FAM13A: variants seen among roughly 807,000 people sequenced by gnomAD.
The protein encoded by FAM13A is protein FAM13A.
In FAM13A, 76 loss-of-function variants were observed where a neutral mutation model predicts 129.6. The ratio of observed to expected loss-of-function variants is 0.59; its 90% CI spans 0.49 to 0.71. The LOEUF is 0.71. Ranked by LOEUF, FAM13A falls within the 30% of genes least tolerant of loss-of-function variation. FAM13A has a pLI of 0.00. For missense variants in FAM13A, 1,108 were observed against 1,249.3 expected (o/e 0.89, Z 1.70); for synonymous variants, 443 against 449.9 (o/e 0.98, Z 0.20).
intron 4 of FAM13A, among the ~76,000 whole-genome samples, chr4:88,952,783 A>G (rs1757141494): frequency 6.6e-6 from 1 of 152,018 alleles, no homozygotes. Flanking sequence ...CCCCGTCTCT[A>G]CTAAAAACAC....
intron 7 of FAM13A, among the ~76,000 whole-genome samples, chr4:88,815,748 T>C (rs556816623): frequency 7.6e-4 from 115 of 152,284 alleles, no homozygotes; most frequent in Non-Finnish European, 1.2e-3. Flanking sequence ...GACCTGAAAA[T>C]GTTTATTATA....
intron 7 of FAM13A, among the ~76,000 whole-genome samples, chr4:88,813,594 T>A (rs1472609630): frequency 6.6e-6 from 1 of 152,188 alleles, no homozygotes; most frequent in Admixed American, 6.6e-5. Flanking sequence ...TAAGGGTTTG[T>A]TAACACAGTT....
At chr4:88,982,331 G>C (rs1579615523) in intron 4 of FAM13A, among the ~76,000 whole-genome samples, 1 of 152,234 alleles carries the variant, frequency 6.6e-6, no homozygotes. Context: ...TCATTAACTA[G>C]TACGATGGGC....
intron 7 of FAM13A, among the ~76,000 whole-genome samples, chr4:88,830,161 G>A (rs1457958215): frequency 6.6e-6 from 1 of 152,144 alleles, no homozygotes; most frequent in Non-Finnish European, 1.5e-5. Context: ...ATGTGGTGCA[G>A]GTGGGGTGTT....
intron 4 of FAM13A, among the ~76,000 whole-genome samples, chr4:88,984,652 G>A (rs1011271062): frequency 4.6e-5 from 7 of 152,178 alleles, no homozygotes; most frequent in East Asian, 1.9e-4. Flanking sequence ...AAACTGGTTC[G>A]CCCATACATT....
intron 13 of FAM13A, 38 bp from the exon 14 acceptor site, chr4:88,758,939 T>A (rs1744258077): frequency 6.3e-7 from 1 of 1,597,398 alleles, no homozygotes; most frequent in Non-Finnish European, 8.5e-7. Flanking sequence ...TATCTACTGC[T>A]CACCAAAACC....
chr4:88,935,900 AAAG>A (rs1161901885), intron 5 of FAM13A, among the ~76,000 whole-genome samples: 1 of 151,962 alleles, frequency 6.6e-6, no homozygotes, highest in Non-Finnish European at 1.5e-5. Flanking sequence ...CTACTTTCTC[AAAG>A]AAGAGACTAT....
chr4:89,018,982 A>T (rs1226403563), intron 3 of FAM13A, among the ~76,000 whole-genome samples: 1 of 152,172 alleles, frequency 6.6e-6, no homozygotes, highest in African/African-American at 2.4e-5. Flanking sequence ...TTCCAAAAGG[A>T]TTGCCTGGAG....
At chr4:88,745,294 C>G (rs543203473) in intron 19 of FAM13A, among the ~76,000 whole-genome samples, 1 of 152,302 alleles carries the variant, frequency 6.6e-6, no homozygotes, top group Non-Finnish European at 1.5e-5. Flanking sequence ...TAGAGCTAAT[C>G]TCAGTGGGGC....
At chr4:88,758,632 G>T in intron 14 of FAM13A, 122 bp downstream of exon 14, 1 of 973,260 alleles carries the variant, frequency 1.0e-6, no homozygotes, top group Non-Finnish European at 1.5e-6. Context: ...ATTTGGAAAT[G>T]CAGTTACTTC....
intron 5 of FAM13A, among the ~76,000 whole-genome samples, chr4:88,916,520 C>G (rs758954954): frequency 2.0e-5 from 3 of 152,180 alleles, no homozygotes; most frequent in Non-Finnish European, 4.4e-5. Flanking sequence ...ATCATCTAAC[C>G]CACCATGCTT....
At chr4:88,958,154 A>T (rs1758046424) in intron 4 of FAM13A, among the ~76,000 whole-genome samples, 1 of 152,136 alleles carries the variant, frequency 6.6e-6, no homozygotes, top group South Asian at 2.1e-4. Flanking sequence ...GACTAAAAGG[A>T]GCCAAGAGCT....
intron 9 of FAM13A, among the ~76,000 whole-genome samples, chr4:88,790,253 C>A (rs904380856): frequency 1.3e-5 from 2 of 152,058 alleles, no homozygotes; most frequent in African/African-American, 2.4e-5. Context: ...ATGGTTTAAC[C>A]TTTAATTACA....
intron 14 of FAM13A, among the ~76,000 whole-genome samples, chr4:88,755,794 C>T (rs1358919912): frequency 6.6e-6 from 1 of 152,174 alleles, no homozygotes; most frequent in East Asian, 1.9e-4. Flanking sequence ...TATGAAGTAT[C>T]TTATGCCCTT....
chr4:88,836,977 T>G (rs1438377425), intron 7 of FAM13A, among the ~76,000 whole-genome samples: 5 of 151,698 alleles, frequency 3.3e-5, no homozygotes, highest in Non-Finnish European at 4.4e-5. Context: ...AAAAAAATTA[T>G]GTTAAAATGA....
At chr4:89,051,386 C>T (rs1452686830) in intron 1 of FAM13A, among the ~76,000 whole-genome samples, 3 of 152,166 alleles carry the variant, frequency 2.0e-5, no homozygotes, top group Non-Finnish European at 4.4e-5. Flanking sequence ...TAATCGCCTC[C>T]CAAAGTCCTC....
At chr4:88,756,352 A>G (rs1274378105) in intron 14 of FAM13A, among the ~76,000 whole-genome samples, 2 of 152,072 alleles carry the variant, frequency 1.3e-5, no homozygotes, top group Non-Finnish European at 2.9e-5. Flanking sequence ...TGTTTACTTG[A>G]TACTGAGCCC....
At chr4:88,834,222 A>AAG (rs1481100072) in intron 7 of FAM13A, among the ~76,000 whole-genome samples, 1 of 151,652 alleles carries the variant, frequency 6.6e-6, no homozygotes, top group East Asian at 1.9e-4. Flanking sequence ...AAAAAAAAAA[A>AAG]AATCCATTTC....
Position 88,935,201 on chromosome 4 carries a change from G to C in FAM13A, c.759+2887C>G, listed in dbSNP as rs149040570. ...CATTAGGCTTTGATAGCCTATGACA[G>C]AAAAAGACTCCATCTTCCAATACTC... On this transcript the variant is annotated intron_variant, in intron 5 of 23. Transcript: ENST00000264344. 3.9e-3 allele frequency among the ~76,000 whole-genome samples: 590 copies of C among 152,282 alleles called. 1 individual carries two copies. Among genetic ancestry groups the C allele is most frequent in the Non-Finnish European group, 7.0e-3 (475 of 68,000 alleles).
Sources: gnomAD v4.1 joint callset for allele counts (sites outside exome capture counted in the v4.1 genomes callset) on GRCh38, gnomAD v4.1.1 for gene constraint, MANE v1.5 for transcripts, NCBI Gene and HGNC (gene_info 2026-07-23, HGNC 2026-07-21) for gene names.